The following SOX5 variants were observed in gnomAD, a reference collection of about 807,000 sequenced individuals.
SOX5 encodes SRY-box transcription factor 5.
In SOX5, 9 loss-of-function variants were observed where a neutral mutation model predicts 92.0. The ratio of observed to expected loss-of-function variants is 0.10; its 90% CI spans 0.06 to 0.17. The LOEUF (loss-of-function observed/expected upper bound fraction) is 0.17. SOX5 is among the 10% of genes least tolerant of loss of function. The pLI, the probability that SOX5 is intolerant of heterozygous loss-of-function variation, is 1.00. For missense variants in SOX5, 642 were observed against 944.5 expected (o/e 0.68, Z 4.20); for synonymous variants, 344 against 336.3 (o/e 1.02, Z -0.25).
chr12:24,262,252 C>T (rs972647407), intron 3 of SOX5, among the ~76,000 whole-genome samples: 1 of 151,970 alleles, frequency 6.6e-6, no homozygotes, highest in Non-Finnish European at 1.5e-5. Flanking sequence ...CTTACAGCAG[C>T]CCTCAATCAA....
At chr12:24,308,662 G>A (rs544801376) in intron 2 of SOX5, among the ~76,000 whole-genome samples, 47 of 152,238 alleles carry the variant, frequency 3.1e-4, no homozygotes, top group Non-Finnish European at 5.6e-4. Flanking sequence ...ACTCAGAAGC[G>A]CTCAACAAAT....
chr12:24,217,663 C>CA (rs979706204), intron 3 of SOX5, among the ~76,000 whole-genome samples: 137 of 152,246 alleles, frequency 9.0e-4, no homozygotes, highest in African/African-American at 3.1e-3. Flanking sequence ...AAATTAAAAA[C>CA]ATTTCTCCTT....
chr12:24,417,627 T>C (rs1004969614), intron 1 of SOX5, among the ~76,000 whole-genome samples: 8 of 152,156 alleles, frequency 5.3e-5, no homozygotes, highest in African/African-American at 1.7e-4. Context: ...GAATATAATA[T>C]TTAAATGTCA....
chr12:24,445,877 T>C (rs1439590859), intron 1 of SOX5, among the ~76,000 whole-genome samples: 1 of 151,046 alleles, frequency 6.6e-6, no homozygotes, highest in Non-Finnish European at 1.5e-5. Context: ...CTTTATTCTC[T>C]CTCTATGGAG....
chr12:24,238,674 C>T (rs1483018130), intron 3 of SOX5, among the ~76,000 whole-genome samples: 1 of 152,086 alleles, frequency 6.6e-6, no homozygotes, highest in Non-Finnish European at 1.5e-5. Context: ...AGTCTTACTG[C>T]CGTTAGTTGA....
At chr12:24,442,174 G>A (rs1003168456) in intron 1 of SOX5, among the ~76,000 whole-genome samples, 1 of 152,092 alleles carries the variant, frequency 6.6e-6, no homozygotes, top group Non-Finnish European at 1.5e-5. Context: ...TGTAAAAGAG[G>A]CAAATTTTTG....
At chr12:24,542,359 A>T (rs915483861) in intron 1 of SOX5, among the ~76,000 whole-genome samples, 3 of 152,200 alleles carry the variant, frequency 2.0e-5, no homozygotes, top group Non-Finnish European at 4.4e-5. Flanking sequence ...GCCTTCTGGG[A>T]CTTTCAGAAT....
intron 2 of SOX5, among the ~76,000 whole-genome samples, chr12:23,849,847 A>G (rs889213583): frequency 6.6e-6 from 1 of 152,206 alleles, no homozygotes; most frequent in African/African-American, 2.4e-5. Context: ...TACATGACTA[A>G]TCAGAGTAAT....
intron 8 of SOX5, among the ~76,000 whole-genome samples, chr12:23,635,667 TATA>T (rs2079132606): frequency 6.6e-6 from 1 of 152,176 alleles, no homozygotes; most frequent in Admixed American, 6.5e-5. Context: ...GAACTTAAAG[TATA>T]ATAATAATTT....
chr12:23,618,994 C>T (rs767044339), intron 8 of SOX5, among the ~76,000 whole-genome samples: 1 of 152,108 alleles, frequency 6.6e-6, no homozygotes, highest in African/African-American at 2.4e-5. Context: ...CAGAACTCAA[C>T]GCTCCCTGAA....
intron 2 of SOX5, among the ~76,000 whole-genome samples, chr12:23,848,102 C>G (rs1273792969): frequency 1.3e-5 from 2 of 152,108 alleles, no homozygotes; most frequent in East Asian, 3.9e-4. Context: ...TTATTTCTTT[C>G]CAGGACCAAA....
intron 2 of SOX5, among the ~76,000 whole-genome samples, chr12:24,295,130 ATGAG>A (rs2140550783): frequency 6.6e-6 from 1 of 151,858 alleles, no homozygotes; most frequent in South Asian, 2.1e-4. Context: ...ATAAGTATAT[ATGAG>A]TAAATATAAG....
intron 6 of SOX5, among the ~76,000 whole-genome samples, chr12:23,726,175 G>GAGAGAGAGAGAGCA (rs1593717537): frequency 7.6e-6 from 1 of 132,278 alleles, no homozygotes; most frequent in Non-Finnish European, 1.6e-5. Flanking sequence ...GAGAGAGAGA[G>GAGAGAGAGAGAGCA]GTCAGTTTCT....
chr12:24,331,874 A>C (rs1289777687), intron 2 of SOX5, among the ~76,000 whole-genome samples: 1 of 133,414 alleles, frequency 7.5e-6, no homozygotes, highest in East Asian at 2.2e-4. Context: ...AAAAAAAAAA[A>C]AGGAAAGAAA....
chr12:24,092,125 A>G (rs1425669726), intron 4 of SOX5, among the ~76,000 whole-genome samples: 1 of 152,176 alleles, frequency 6.6e-6, no homozygotes, highest in African/African-American at 2.4e-5. Context: ...AGCCCATTTG[A>G]CCTCAAGAAC....
intron 2 of SOX5, among the ~76,000 whole-genome samples, chr12:23,871,959 C>T (rs1445600991): frequency 6.6e-6 from 1 of 151,352 alleles, no homozygotes; most frequent in East Asian, 1.9e-4. Flanking sequence ...CTTTGCAAAG[C>T]TCCATTTAAC....
intron 6 of SOX5, among the ~76,000 whole-genome samples, chr12:23,726,703 A>T (rs1300029018): frequency 6.6e-6 from 1 of 152,092 alleles, no homozygotes; most frequent in Non-Finnish European, 1.5e-5. Flanking sequence ...GTCCACAGGT[A>T]ATTTTGTTTG....
chr12:23,920,909 A>C (rs949792428), intron 1 of SOX5, among the ~76,000 whole-genome samples: 1 of 152,180 alleles, frequency 6.6e-6, no homozygotes, highest in African/African-American at 2.4e-5. Flanking sequence ...AGGGCATATA[A>C]AATTTTTAAT....
chr12:24,015,082 CTT>C (rs1569488095), intron 4 of SOX5, among the ~76,000 whole-genome samples: 1 of 152,020 alleles, frequency 6.6e-6, no homozygotes, highest in Non-Finnish European at 1.5e-5. Context: ...CTCTCTCTCT[CTT>C]TCTCTTTCTG....
Sources: gnomAD v4.1 joint callset for allele counts (sites outside exome capture counted in the v4.1 genomes callset) on GRCh38, gnomAD v4.1.1 for gene constraint, MANE v1.5 for transcripts, NCBI Gene and HGNC (gene_info 2026-07-23, HGNC 2026-07-21) for gene names.